Variants in NRG3 observed in about 807,000 individuals in gnomAD.
The protein encoded by NRG3 is pro-neuregulin-3, membrane-bound isoform.
NRG3 carries 31 observed loss-of-function variants against 66.9 expected under a neutral mutation model. That is an observed-to-expected ratio of 0.46 (90% CI 0.35 to 0.63). The LOEUF (loss-of-function observed/expected upper bound fraction) is 0.63, where lower values mean the gene tolerates loss of function less well. Among genes scored for constraint, NRG3 ranks in the 20% least tolerant of loss-of-function variants. The pLI is 0.00. For synonymous variants in NRG3, 393 were observed against 359.4 expected (o/e 1.09, Z -1.06); for missense variants, 910 against 878.9 (o/e 1.04, Z -0.45).
chr10:81,895,108 A>G (rs977227227), intron 1 of NRG3, among the ~76,000 whole-genome samples: 2 of 152,150 alleles, frequency 1.3e-5, no homozygotes, highest in Non-Finnish European at 2.9e-5. Context: ...CAGCACTGCA[A>G]CTATCTGCAC....
At chr10:81,971,637 A>G (rs1157166990) in intron 1 of NRG3, among the ~76,000 whole-genome samples, 3 of 152,186 alleles carry the variant, frequency 2.0e-5, no homozygotes, top group Non-Finnish European at 4.4e-5. Flanking sequence ...TGAGGTAGGA[A>G]ACAAATGAGG....
chr10:82,920,935 A>C (rs2132063004), intron 4 of NRG3, among the ~76,000 whole-genome samples: 1 of 152,280 alleles, frequency 6.6e-6, no homozygotes, highest in Admixed American at 6.5e-5. Context: ...ATGCAGAAAA[A>C]TTTCAAATAA....
At chr10:82,940,423 G>A (rs931854694) in intron 4 of NRG3, among the ~76,000 whole-genome samples, 11 of 152,040 alleles carry the variant, frequency 7.2e-5, no homozygotes, top group Non-Finnish European at 1.5e-4. Flanking sequence ...TTTAGATGAT[G>A]TTCTCCCTAT....
intron 1 of NRG3, among the ~76,000 whole-genome samples, chr10:82,322,313 A>G (rs1204942765): frequency 2.0e-5 from 3 of 152,164 alleles, no homozygotes; most frequent in East Asian, 3.9e-4. Context: ...CTTTTTCTTC[A>G]CATCTGAAGT....
In NRG3 at chr10:81,904,412, T is replaced by A. The variant is rs570011317; in HGVS notation, c.823+28249T>A. Among the ~76,000 whole-genome samples, 6 of 152,212 alleles carry A rather than the reference T, an allele frequency of 3.9e-5. No individual in the cohort carries two copies. In the South Asian group the frequency reaches 1.2e-3, roughly 32 times the overall value. On this transcript the variant is annotated intron_variant, in intron 1 of 8. Coordinates refer to ENST00000372141, the MANE Select transcript of NRG3 (RefSeq NM_001010848.4). ...CCCAGTTTAATTATCATCCCTGGTA[T>A]AAATCTCTTGACTGTTCCCAGACAG... is the stretch of plus-strand genomic sequence containing the variant.
At chr10:82,421,627 TGCTTAGAG>T (rs1415867365) in intron 2 of NRG3, among the ~76,000 whole-genome samples, 1 of 152,122 alleles carries the variant, frequency 6.6e-6, no homozygotes, top group African/African-American at 2.4e-5. Flanking sequence ...TATTCAGCTC[TGCTTAGAG>T]AAGTTTTATC....
chr10:82,671,647 C>T (rs2053285470), intron 2 of NRG3, among the ~76,000 whole-genome samples: 1 of 152,208 alleles, frequency 6.6e-6, no homozygotes, highest in South Asian at 2.1e-4. Flanking sequence ...CAACTTCTCT[C>T]CTCTGTATTT....
intron 2 of NRG3, among the ~76,000 whole-genome samples, chr10:82,472,038 A>T (rs1841317371): frequency 6.6e-6 from 1 of 152,178 alleles, no homozygotes; most frequent in Non-Finnish European, 1.5e-5. Context: ...GATGGTGGAG[A>T]TAAATCATAC....
At chr10:82,358,078 G>C (rs904355240) in intron 1 of NRG3, among the ~76,000 whole-genome samples, 8 of 152,094 alleles carry the variant, frequency 5.3e-5, no homozygotes, top group Non-Finnish European at 5.9e-5. Flanking sequence ...AACTTAATTT[G>C]AAAATGTAAG....
At chr10:82,185,573 A>G (rs1175842167) in intron 1 of NRG3, among the ~76,000 whole-genome samples, 1 of 152,216 alleles carries the variant, frequency 6.6e-6, no homozygotes, top group African/African-American at 2.4e-5. Flanking sequence ...ACTGCAGCTT[A>G]TTAGAGTAGA....
At chr10:82,426,601 ATTATTATTATT>A in intron 2 of NRG3, among the ~76,000 whole-genome samples, 1 of 4,114 alleles carries the variant, frequency 2.4e-4, no homozygotes, top group South Asian at 0.021. Context: ...CAATGGAATT[ATTATTATTATT>A]ATTATTATTA....
chr10:82,009,461 G>C (rs531952230), intron 1 of NRG3, among the ~76,000 whole-genome samples: 2 of 152,180 alleles, frequency 1.3e-5, no homozygotes. Context: ...TCTGTGAACA[G>C]AAGTCTAGGA....
At chr10:82,279,830 T>A (rs2079041570) in intron 1 of NRG3, among the ~76,000 whole-genome samples, 1 of 152,208 alleles carries the variant, frequency 6.6e-6, no homozygotes, top group Admixed American at 6.5e-5. Context: ...AATTAGTTAT[T>A]CTGAAAGTCA....
At chr10:82,757,444 A>G (rs1024673163) in intron 3 of NRG3, among the ~76,000 whole-genome samples, 1 of 152,126 alleles carries the variant, frequency 6.6e-6, no homozygotes, top group Non-Finnish European at 1.5e-5. Context: ...CTAGAGAAGA[A>G]ATATTTAAAC....
At chr10:82,229,278 A>C (rs1033334231) in intron 1 of NRG3, 1 of 152,240 alleles carries the variant, frequency 6.6e-6, no homozygotes, top group African/African-American at 2.4e-5. Context: ...TATTCACCAG[A>C]AAAATTTTGT....
intron 1 of NRG3, among the ~76,000 whole-genome samples, chr10:82,066,563 G>A (rs2064481452): frequency 6.6e-6 from 1 of 152,150 alleles, no homozygotes; most frequent in Non-Finnish European, 1.5e-5. Context: ...CTGGAGCCTG[G>A]ACCATGCATA....
chr10:82,722,183 C>G (rs1262512668), intron 2 of NRG3, among the ~76,000 whole-genome samples: 1 of 152,102 alleles, frequency 6.6e-6, no homozygotes, highest in African/African-American at 2.4e-5. Flanking sequence ...TTGTTCGACC[C>G]CTTATGCCCT....
intron 2 of NRG3, among the ~76,000 whole-genome samples, chr10:82,577,531 G>T (rs1275911805): frequency 6.6e-6 from 1 of 151,588 alleles, no homozygotes; most frequent in Non-Finnish European, 1.5e-5. Context: ...TGATATTTAG[G>T]TATTATTTTT....
chr10:81,961,886 C>T (rs1305498383), intron 1 of NRG3, among the ~76,000 whole-genome samples: 6 of 152,208 alleles, frequency 3.9e-5, no homozygotes, highest in East Asian at 1.9e-4. Flanking sequence ...GGTATTTGCT[C>T]CAGGTTCCTT....
Sources: gnomAD v4.1 joint callset for allele counts (sites outside exome capture counted in the v4.1 genomes callset) on GRCh38, gnomAD v4.1.1 for gene constraint, MANE v1.5 for transcripts, NCBI Gene and HGNC (gene_info 2026-07-23, HGNC 2026-07-21) for gene names.